SMAD9: variants seen among roughly 807,000 people sequenced by gnomAD.
SMAD9 encodes the protein MAD homolog 9.
In SMAD9, 36 loss-of-function variants were observed where a neutral mutation model predicts 46.1. The ratio of observed to expected loss-of-function variants is 0.78; its 90% CI spans 0.60 to 1.03. SMAD9 has a LOEUF of 1.03. Ranked by LOEUF, SMAD9 falls within the 50% of genes least tolerant of loss-of-function variation. SMAD9 has a pLI of 0.00. For synonymous variants in SMAD9, 245 were observed against 237.1 expected (o/e 1.03, Z -0.31); for missense variants, 572 against 599.8 (o/e 0.95, Z 0.48).
At chr13:36,903,633 T>G (rs1015411323) in intron 1 of SMAD9, among the ~76,000 whole-genome samples, 8 of 152,210 alleles carry the variant, frequency 5.3e-5, no homozygotes, top group African/African-American at 1.9e-4. Context: ...AGAAAATAGC[T>G]TTTGCATCTA....
In SMAD9 at chr13:36,916,005, GAGTT is replaced by G. The variant is rs949502716; in HGVS notation, c.-187+4107_-187+4110del. 5.0e-4 allele frequency among the ~76,000 whole-genome samples: 76 copies of G among 152,256 alleles called. 1 individual carries two copies. The highest frequency in any genetic ancestry group is 1.7e-3 in the African/African-American group (69 of 41,544). Reference sequence around the variant, plus strand: ...CAGAACATGATATATTTTAAAATGAGAGTTAGTATTGTTCGATAATAGAATGACC... The same window carrying G: ...CAGAACATGATATATTTTAAAATGAGAGTATTGTTCGATAATAGAATGACC... On this transcript the variant is annotated intron_variant, in intron 1 of 6. Transcript: ENST00000379826.
chr13:36,854,678 T>C (rs2058106294), intron 5 of SMAD9, among the ~76,000 whole-genome samples: 1 of 152,110 alleles, frequency 6.6e-6, no homozygotes, highest in South Asian at 2.1e-4. Flanking sequence ...AGCCCACAAA[T>C]TTTAAAATTT....
chr13:36,874,841 C>T (rs1341288210), intron 2 of SMAD9, among the ~76,000 whole-genome samples: 2 of 101,272 alleles, frequency 2.0e-5, no homozygotes, highest in Non-Finnish European at 3.6e-5. Context: ...CTGGGCAGAG[C>T]AAGACTCCGT....
chr13:36,920,421 G>A (rs1306581097), upstream of SMAD9: 1 of 151,578 alleles, frequency 6.6e-6, no homozygotes, highest in Non-Finnish European at 1.5e-5. Context: ...CACGTGCGCG[G>A]AAACTCGCGG....
intron 5 of SMAD9, among the ~76,000 whole-genome samples, chr13:36,864,073 C>T (rs1192179454): frequency 1.3e-5 from 2 of 152,210 alleles, no homozygotes; most frequent in East Asian, 3.9e-4. Context: ...CAGCAAACTG[C>T]TTCACAACAT....
At chr13:36,880,630 T>C (rs1566027378) in intron 1 of SMAD9, among the ~76,000 whole-genome samples, 1 of 152,248 alleles carries the variant, frequency 6.6e-6, no homozygotes, top group Non-Finnish European at 1.5e-5. Flanking sequence ...AAGGGGACTA[T>C]GAGGTTCTCT....
intron 5 of SMAD9, among the ~76,000 whole-genome samples, chr13:36,864,862 C>T (rs1327953619): frequency 6.6e-6 from 1 of 152,206 alleles, no homozygotes; most frequent in African/African-American, 2.4e-5. Context: ...TTCTTCACAT[C>T]TATGACTCCA....
Position 36,862,972 on chromosome 13 carries a change from T to C in SMAD9, c.1003+2565A>G, listed in dbSNP as rs143065623. 2.7e-3 allele frequency among the ~76,000 whole-genome samples: 417 copies of C among 152,336 alleles called. 1 individual carries two copies. Among genetic ancestry groups the C allele is most frequent in the Middle Eastern group, 6.8e-3 (2 of 294 alleles). ...CCTGCTCATGGTCTTTCTTCCACTG[T>C]TGCATCCCTCGTGTCCAGTCTGGCT... On this transcript the variant is annotated intron_variant, in intron 5 of 6. Transcript: ENST00000379826.
At chr13:36,913,371 G>A (rs2058675810) in intron 1 of SMAD9, among the ~76,000 whole-genome samples, 1 of 152,076 alleles carries the variant, frequency 6.6e-6, no homozygotes, top group Non-Finnish European at 1.5e-5. Flanking sequence ...GGGCCTCATA[G>A]GCAGGGTAGA....
intron 5 of SMAD9, among the ~76,000 whole-genome samples, chr13:36,854,758 CAATA>C (rs2058107162): frequency 6.6e-6 from 1 of 152,106 alleles, no homozygotes; most frequent in Admixed American, 6.5e-5. Flanking sequence ...TCAGAGGAAA[CAATA>C]AAAGACACTT....
chr13:36,917,052 G>C (rs1002504550), intron 1 of SMAD9, among the ~76,000 whole-genome samples: 2 of 152,122 alleles, frequency 1.3e-5, no homozygotes, highest in African/African-American at 4.8e-5. Flanking sequence ...GACACCAAAG[G>C]AGAGCAGAAT....
intron 1 of SMAD9, among the ~76,000 whole-genome samples, chr13:36,906,074 G>C (rs1050279020): frequency 6.6e-6 from 1 of 152,058 alleles, no homozygotes; most frequent in African/African-American, 2.4e-5. Flanking sequence ...TCTAAGGAAT[G>C]GCAGCTAATT....
intron 1 of SMAD9, among the ~76,000 whole-genome samples, chr13:36,886,292 C>T (rs900422998): frequency 2.0e-5 from 3 of 152,212 alleles, no homozygotes; most frequent in East Asian, 1.9e-4. Context: ...CACATGGGTG[C>T]GTCCCCTGAC....
intron 1 of SMAD9, among the ~76,000 whole-genome samples, chr13:36,886,449 G>A (rs556459806): frequency 6.6e-6 from 1 of 152,348 alleles, no homozygotes; most frequent in South Asian, 2.1e-4. Context: ...AAACGTTGTG[G>A]CTCTAAAGGG....
rs748133390 is a variant in SMAD9 at position 36,872,866 on chromosome 13, G to A, written c.462C>T (p.Leu154=). Residue 154 remains leucine (L), a synonymous_variant, in exon 3 of 7, where the codon CTC becomes CTT. Coordinates refer to ENST00000379826, the MANE Select transcript of SMAD9 (RefSeq NM_001127217.3). ...VPRHSEYNPQ[L]SLLAKFRSAS... Reference sequence around the variant, plus strand: ...CGCTGCGGAACTTGGCCAGGAGGCTGAGCTGGGGGTTATATTCACTGTGTC... The same window carrying A: ...CGCTGCGGAACTTGGCCAGGAGGCTAAGCTGGGGGTTATATTCACTGTGTC... 19 of 1,614,048 alleles carry A rather than the reference G, an allele frequency of 1.2e-5. No homozygotes were observed. The East Asian group carries it at 2.7e-4, about 23-fold the overall frequency.
intron 1 of SMAD9, among the ~76,000 whole-genome samples, chr13:36,903,390 G>T (rs1481256483): frequency 1.3e-5 from 2 of 152,158 alleles, no homozygotes; most frequent in Non-Finnish European, 2.9e-5. Context: ...CTCCCAAAGT[G>T]CTGGGATTAC....
At chr13:36,889,762 A>G (rs1445019305) in intron 1 of SMAD9, among the ~76,000 whole-genome samples, 2 of 152,126 alleles carry the variant, frequency 1.3e-5, no homozygotes, top group South Asian at 4.1e-4. Flanking sequence ...CAATTACAAA[A>G]TGTAGATCCT....
intron 5 of SMAD9, among the ~76,000 whole-genome samples, chr13:36,864,510 C>G (rs2058213213): frequency 1.3e-5 from 2 of 152,228 alleles, no homozygotes; most frequent in Admixed American, 1.3e-4. Context: ...CTCCCCTCCC[C>G]TCGACCCGTT....
chr13:36,912,148 A>G (rs1032376755), intron 1 of SMAD9, among the ~76,000 whole-genome samples: 3 of 152,160 alleles, frequency 2.0e-5, no homozygotes, highest in African/African-American at 7.2e-5. Flanking sequence ...TACCCCTTTG[A>G]TTATGTGATT....
Sources: gnomAD v4.1 joint callset for allele counts (sites outside exome capture counted in the v4.1 genomes callset) on GRCh38, gnomAD v4.1.1 for gene constraint, MANE v1.5 for transcripts, NCBI Gene and HGNC (gene_info 2026-07-23, HGNC 2026-07-21) for gene names.